Variants in CHN2 observed in about 807,000 individuals in gnomAD.
CHN2 encodes chimerin 2.
A neutral mutation model predicts 56.3 loss-of-function variants in CHN2; 35 were observed. The observed-to-expected ratio is 0.62, with a 90% CI of 0.47 to 0.82. The LOEUF (loss-of-function observed/expected upper bound fraction) is 0.82. CHN2 is among the 40% of genes least tolerant of loss of function. The pLI is 0.00. For missense variants in CHN2, 491 were observed against 580.5 expected (o/e 0.85, Z 1.58); for synonymous variants, 210 against 212.8 (o/e 0.99, Z 0.12).
At chr7:29,433,800 C>T (rs1585377797) in intron 6 of CHN2, among the ~76,000 whole-genome samples, 1 of 149,816 alleles carries the variant, frequency 6.7e-6, no homozygotes, top group East Asian at 2.0e-4. Context: ...GATCATGCCA[C>T]TGCACTCCAG....
At chr7:29,399,671 C>G (rs949316273) in intron 5 of CHN2, among the ~76,000 whole-genome samples, 2 of 152,276 alleles carry the variant, frequency 1.3e-5, no homozygotes, top group Non-Finnish European at 2.9e-5. Context: ...CATGGAAGCC[C>G]TTCCCAGGCC....
At chr7:29,360,547 G>A (rs901150582) in intron 2 of CHN2, among the ~76,000 whole-genome samples, 1 of 152,162 alleles carries the variant, frequency 6.6e-6, no homozygotes, top group Non-Finnish European at 1.5e-5. Context: ...TTGACATTCT[G>A]TTAGGAAGGC....
intron 1 of CHN2, among the ~76,000 whole-genome samples, chr7:29,243,631 C>T (rs369358610): frequency 6.6e-6 from 1 of 152,104 alleles, no homozygotes; most frequent in African/African-American, 2.4e-5. Flanking sequence ...TCTTAAAATA[C>T]TCCAGAAGTT....
chr7:29,227,623 T>A (rs1398409816), intron 1 of CHN2, among the ~76,000 whole-genome samples: 1 of 152,226 alleles, frequency 6.6e-6, no homozygotes, highest in African/African-American at 2.4e-5. Flanking sequence ...GTAGTCATTT[T>A]GCTGTCACCT....
At chr7:29,398,618 G>A in intron 5 of CHN2, 132 bp downstream of exon 5, 1 of 634,032 alleles carries the variant, frequency 1.6e-6, no homozygotes, top group Non-Finnish European at 2.8e-6. Flanking sequence ...TGTTATGAGG[G>A]GGGGGTCCCA....
chr7:29,339,727 C>G (rs1238175598), intron 1 of CHN2, among the ~76,000 whole-genome samples: 3 of 151,922 alleles, frequency 2.0e-5, no homozygotes, highest in Admixed American at 1.3e-4. Context: ...ATGGCACGTG[C>G]CTGCAATCCC....
At chr7:29,405,010 C>T (rs1016632352) in intron 6 of CHN2, among the ~76,000 whole-genome samples, 1 of 152,000 alleles carries the variant, frequency 6.6e-6, no homozygotes, top group Non-Finnish European at 1.5e-5. Context: ...CCCTGCTACT[C>T]TTTCAGACTC....
intron 1 of CHN2, among the ~76,000 whole-genome samples, chr7:29,213,742 G>A (rs1193292393): frequency 6.6e-6 from 1 of 152,042 alleles, no homozygotes; most frequent in Non-Finnish European, 1.5e-5. Flanking sequence ...TTTGTAGAAG[G>A]AGGTCTTGTA....
At chr7:29,321,958 A>T (rs1795396250) in intron 1 of CHN2, among the ~76,000 whole-genome samples, 1 of 152,182 alleles carries the variant, frequency 6.6e-6, no homozygotes, top group Admixed American at 6.5e-5. Context: ...ACATTTGCCA[A>T]TCTAATTTAA....
chr7:29,206,041 C>T (rs1446552446), intron 1 of CHN2, among the ~76,000 whole-genome samples: 1 of 152,010 alleles, frequency 6.6e-6, no homozygotes, highest in African/African-American at 2.4e-5. Flanking sequence ...CCTTGCTTTT[C>T]TTTTTAAAAT....
intron 2 of CHN2, among the ~76,000 whole-genome samples, chr7:29,363,910 G>C (rs76364850): frequency 2.0e-5 from 3 of 152,160 alleles, no homozygotes; most frequent in Non-Finnish European, 4.4e-5. Flanking sequence ...GATGGCACCC[G>C]CCTGTATTCG....
intron 6 of CHN2, among the ~76,000 whole-genome samples, chr7:29,426,091 C>G (rs1248266270): frequency 1.3e-5 from 2 of 151,702 alleles, no homozygotes; most frequent in Non-Finnish European, 2.9e-5. Context: ...TGCCTGTAAT[C>G]CCAGCTACTC....
chr7:29,341,909 C>T (rs1562530898), intron 1 of CHN2, among the ~76,000 whole-genome samples: 1 of 152,302 alleles, frequency 6.6e-6, no homozygotes, highest in East Asian at 1.9e-4. Flanking sequence ...AACCATGTGG[C>T]CTTGGGAAAG....
intron 6 of CHN2, among the ~76,000 whole-genome samples, chr7:29,410,564 T>A (rs955320227): frequency 6.6e-6 from 1 of 152,196 alleles, no homozygotes; most frequent in African/African-American, 2.4e-5. Context: ...TAGAGACTCT[T>A]GTTTGAGGAG....
chr7:29,213,040 C>T (rs1368026430), intron 1 of CHN2: 1 of 1,605,836 alleles, frequency 6.2e-7, no homozygotes, highest in African/African-American at 1.3e-5. Context: ...AGAGGAATCT[C>T]TGCAGTCCTG....
intron 2 of CHN2, among the ~76,000 whole-genome samples, chr7:29,187,063 T>C (rs1314941919): frequency 6.6e-6 from 1 of 152,142 alleles, no homozygotes; most frequent in African/African-American, 2.4e-5. Flanking sequence ...TCCTGGCACA[T>C]AGGAAATGAT....
chr7:29,480,180 A>G (rs1361173558), intron 6 of CHN2, 99 bp from the exon 7 acceptor site: 1 of 1,608,204 alleles, frequency 6.2e-7, no homozygotes, highest in East Asian at 2.2e-5. Context: ...TAAGCAGGGC[A>G]GGAAACGCCA....
At chr7:29,150,406 T>C (rs1793429278) in intron 2 of CHN2, among the ~76,000 whole-genome samples, 1 of 152,184 alleles carries the variant, frequency 6.6e-6, no homozygotes, top group South Asian at 2.1e-4. Context: ...ACAATCAAGA[T>C]TCTAGGCTGT....
chr7:29,442,743 C>T (rs1288705392), intron 6 of CHN2, among the ~76,000 whole-genome samples: 2 of 152,132 alleles, frequency 1.3e-5, no homozygotes, highest in Non-Finnish European at 2.9e-5. Flanking sequence ...CATGTATCCA[C>T]AACCATTCTC....
Sources: gnomAD v4.1 joint callset for allele counts (sites outside exome capture counted in the v4.1 genomes callset) on GRCh38, gnomAD v4.1.1 for gene constraint, MANE v1.5 for transcripts, NCBI Gene and HGNC (gene_info 2026-07-23, HGNC 2026-07-21) for gene names.